CDH18: variants seen among roughly 807,000 people sequenced by gnomAD.
CDH18 encodes cadherin-18.
Under a neutral mutation model 67.9 loss-of-function variants are expected in CDH18, and 31 were observed. That is an observed-to-expected ratio of 0.46 (90% CI 0.34 to 0.62). CDH18 has a LOEUF of 0.62. Among genes scored for constraint, CDH18 ranks in the 20% least tolerant of loss-of-function variants. The pLI, the probability that CDH18 is intolerant of heterozygous loss-of-function variation, is 0.01. For missense variants in CDH18, 890 were observed against 975.5 expected (o/e 0.91, Z 1.17); for synonymous variants, 362 against 347.2 (o/e 1.04, Z -0.48).
chr5:19,493,972 T>A (rs1156838420), intron 11 of CDH18, among the ~76,000 whole-genome samples: 1 of 152,114 alleles, frequency 6.6e-6, no homozygotes, highest in Non-Finnish European at 1.5e-5. Context: ...CTCATGAGTG[T>A]TATCTTAGAA....
intron 5 of CDH18, among the ~76,000 whole-genome samples, chr5:19,634,494 A>G (rs1752834910): frequency 6.6e-6 from 1 of 152,232 alleles, no homozygotes; most frequent in Non-Finnish European, 1.5e-5. Context: ...TAAATAATGT[A>G]GTATATGCAA....
At chr5:19,619,566 G>C (rs1414198270) in intron 5 of CDH18, among the ~76,000 whole-genome samples, 2 of 152,208 alleles carry the variant, frequency 1.3e-5, no homozygotes, top group Non-Finnish European at 2.9e-5. Flanking sequence ...TTTAGCTTCA[G>C]TGGAAAGTGT....
chr5:20,090,806 G>A (rs1304148794), intron 2 of CDH18, among the ~76,000 whole-genome samples: 4 of 152,046 alleles, frequency 2.6e-5, no homozygotes, highest in African/African-American at 9.7e-5. Flanking sequence ...AAGGCGGCCA[G>A]ATCACTTGAG....
intron 1 of CDH18, among the ~76,000 whole-genome samples, chr5:20,433,750 C>A (rs1366788767): frequency 6.6e-6 from 1 of 151,650 alleles, no homozygotes; most frequent in Non-Finnish European, 1.5e-5. Context: ...ATTGACAAGT[C>A]TAAATGAGAA....
chr5:20,541,435 G>T (rs557362208), intron 1 of CDH18, among the ~76,000 whole-genome samples: 3 of 152,068 alleles, frequency 2.0e-5, no homozygotes, highest in African/African-American at 7.2e-5. Context: ...TTAAATAAAT[G>T]TATTTATAGT....
chr5:20,455,597 C>T (rs1355687451), intron 1 of CDH18, among the ~76,000 whole-genome samples: 1 of 152,004 alleles, frequency 6.6e-6, no homozygotes, highest in Non-Finnish European at 1.5e-5. Context: ...TGTAGAAAAT[C>T]ATCAATTCAG....
chr5:19,749,656 C>A (rs890980667), intron 3 of CDH18, among the ~76,000 whole-genome samples: 14 of 150,688 alleles, frequency 9.3e-5, no homozygotes, highest in African/African-American at 3.4e-4. Flanking sequence ...AAGTTCTTAA[C>A]CTACAGCATC....
At chr5:19,962,649 G>A (rs908098918) in intron 2 of CDH18, among the ~76,000 whole-genome samples, 1 of 151,878 alleles carries the variant, frequency 6.6e-6, no homozygotes, top group African/African-American at 2.4e-5. Context: ...GGTGGCAGGT[G>A]CTTGTAAATC....
rs181810093 is a variant in CDH18 at position 20,015,798 on chromosome 5, A to T, written c.-517-23784T>A. 6.6e-5 allele frequency among the ~76,000 whole-genome samples: 10 copies of T among 152,202 alleles called. No homozygotes were observed. In the East Asian group the frequency reaches 1.9e-3, roughly 29 times the overall value. On this transcript the variant is annotated intron_variant, in intron 2 of 14. Coordinates refer to the CDH18 transcript ENST00000507958. ...GAAATGGCAGACCATTTGACTAATCAAGATGTAGGTGTTTTGCTCTATTGG... is the reference window on the plus strand; with the variant it reads ...GAAATGGCAGACCATTTGACTAATCTAGATGTAGGTGTTTTGCTCTATTGG...
At chr5:20,395,364 C>G (rs1439032926) in intron 1 of CDH18, among the ~76,000 whole-genome samples, 1 of 152,064 alleles carries the variant, frequency 6.6e-6, no homozygotes, top group Non-Finnish European at 1.5e-5. Context: ...ACCACGTGTT[C>G]CCACTTATTA....
chr5:20,314,770 G>A (rs538090620), intron 1 of CDH18, among the ~76,000 whole-genome samples: 3 of 151,912 alleles, frequency 2.0e-5, no homozygotes, highest in Non-Finnish European at 4.4e-5. Context: ...TACCCTCTCT[G>A]AATGTATCAA....
intron 1 of CDH18, among the ~76,000 whole-genome samples, chr5:20,421,610 G>T (rs892683950): frequency 6.6e-6 from 1 of 150,756 alleles, no homozygotes; most frequent in Non-Finnish European, 1.5e-5. Context: ...ATTTCAAATG[G>T]AATAAAAATG....
chr5:19,922,843 A>G (rs1792651295), intron 2 of CDH18, among the ~76,000 whole-genome samples: 1 of 152,170 alleles, frequency 6.6e-6, no homozygotes, highest in African/African-American at 2.4e-5. Context: ...AGCATACTCA[A>G]GACGCTCCTG....
At chr5:19,529,403 A>T (rs1277104961) in intron 9 of CDH18, among the ~76,000 whole-genome samples, 1 of 152,064 alleles carries the variant, frequency 6.6e-6, no homozygotes, top group Non-Finnish European at 1.5e-5. Context: ...TATCCCAAGG[A>T]TCAGAAATAA....
At chr5:20,332,208 G>A (rs191929990) in intron 1 of CDH18, among the ~76,000 whole-genome samples, 3 of 152,214 alleles carry the variant, frequency 2.0e-5, no homozygotes, top group Admixed American at 1.3e-4. Context: ...CAAAAGTTAT[G>A]TACTTCTTCA....
intron 2 of CDH18, among the ~76,000 whole-genome samples, chr5:19,897,657 G>GA (rs1416167319): frequency 6.6e-6 from 1 of 151,590 alleles, no homozygotes. Flanking sequence ...ATCCTAAACT[G>GA]AAAAAAAGCC....
chr5:20,394,658 G>A (rs1259521170), intron 1 of CDH18, among the ~76,000 whole-genome samples: 3 of 152,012 alleles, frequency 2.0e-5, no homozygotes, highest in African/African-American at 7.2e-5. Context: ...CCAAAGAATG[G>A]GAGAAAATAT....
At chr5:19,831,396 G>T (rs1781012398) in intron 3 of CDH18, among the ~76,000 whole-genome samples, 1 of 151,678 alleles carries the variant, frequency 6.6e-6, no homozygotes, top group Non-Finnish European at 1.5e-5. Context: ...TCTAGAATCT[G>T]TAAGGAACAT....
intron 5 of CDH18, among the ~76,000 whole-genome samples, chr5:19,621,750 C>A (rs1023808353): frequency 6.6e-6 from 1 of 152,118 alleles, no homozygotes; most frequent in Non-Finnish European, 1.5e-5. Flanking sequence ...AAAGGCTGTA[C>A]AACACTGTGC....
Sources: allele counts gnomAD v4.1 joint callset (sites outside exome capture counted in the v4.1 genomes callset), GRCh38; gene constraint gnomAD v4.1.1; transcripts MANE v1.5; gene names NCBI Gene and HGNC (gene_info 2026-07-23, HGNC 2026-07-21).